RIMS1: variants seen among roughly 807,000 people sequenced by gnomAD.
The protein encoded by RIMS1 is regulating synaptic membrane exocytosis protein 1.
A neutral mutation model predicts 214.1 loss-of-function variants in RIMS1; 83 were observed. That is an observed-to-expected ratio of 0.39 (90% CI 0.32 to 0.47). The LOEUF (loss-of-function observed/expected upper bound fraction) is 0.47. RIMS1 is among the 20% of genes least tolerant of loss of function. RIMS1 has a pLI of 0.99. For synonymous variants in RIMS1, 793 were observed against 786.8 expected (o/e 1.01, Z -0.13); for missense variants, 2,050 against 2,161.8 (o/e 0.95, Z 1.03).
chr6:72,077,799 C>A (rs1291826748), intron 2 of RIMS1, among the ~76,000 whole-genome samples: 2 of 152,220 alleles, frequency 1.3e-5, no homozygotes, highest in African/African-American at 4.8e-5. Flanking sequence ...TTCATGATCA[C>A]TCAGCAAATC....
intron 4 of RIMS1, among the ~76,000 whole-genome samples, chr6:72,138,742 A>G (rs1046021495): frequency 1.3e-5 from 2 of 152,222 alleles, no homozygotes; most frequent in Non-Finnish European, 2.9e-5. Flanking sequence ...AATCAACTAT[A>G]ATGAACAATG....
In RIMS1 at chr6:72,004,732, G is replaced by A. The variant is rs1488945525; in HGVS notation, c.245+35669G>A. 9.9e-5 allele frequency among the ~76,000 whole-genome samples: 15 copies of A among 151,806 alleles called. No individual in the cohort carries two copies. The South Asian group carries it at 2.9e-3, about 29-fold the overall frequency. On this transcript the variant is annotated intron_variant, in intron 2 of 33. Transcript: ENST00000521978. ...TGATGGGGTTGTTTGTTTTTTTCTT[G>A]TAAATTTGTTTGAGTTCTTTGTAGA...
intron 10 of RIMS1, among the ~76,000 whole-genome samples, chr6:72,245,563 A>T (rs188590297): frequency 1.8e-4 from 27 of 152,248 alleles, no homozygotes; most frequent in African/African-American, 6.0e-4. Context: ...GGTGATTTTA[A>T]CCACAATATT....
intron 29 of RIMS1, chr6:72,365,700 T>G (rs940561975): frequency 6.6e-6 from 1 of 152,234 alleles, no homozygotes; most frequent in East Asian, 1.9e-4. Context: ...CTTCATGCTG[T>G]TGACACAGCC....
chr6:72,188,779 G>T (rs757939706), intron 6 of RIMS1, among the ~76,000 whole-genome samples: 1 of 152,126 alleles, frequency 6.6e-6, no homozygotes, highest in African/African-American at 2.4e-5. Context: ...CTCAATCACA[G>T]GGCATGGTAA....
intron 4 of RIMS1, among the ~76,000 whole-genome samples, chr6:72,120,977 A>G (rs2038170178): frequency 6.6e-6 from 1 of 151,616 alleles, no homozygotes; most frequent in Non-Finnish European, 1.5e-5. Context: ...ATGTGGTGTT[A>G]TTTCTGAGGC....
At chr6:72,197,742 C>G (rs2051231044) in intron 6 of RIMS1, among the ~76,000 whole-genome samples, 1 of 152,008 alleles carries the variant, frequency 6.6e-6, no homozygotes, top group Non-Finnish European at 1.5e-5. Flanking sequence ...AAAACAAAAG[C>G]TGAAGTAAAA....
intron 4 of RIMS1, among the ~76,000 whole-genome samples, chr6:72,106,511 C>T (rs919353232): frequency 2.0e-5 from 3 of 152,242 alleles, no homozygotes; most frequent in Non-Finnish European, 2.9e-5. Context: ...TTTTTCAGTA[C>T]AAGCTAAACC....
At chr6:72,151,260 T>A (rs1208378322) in intron 4 of RIMS1, among the ~76,000 whole-genome samples, 1 of 152,080 alleles carries the variant, frequency 6.6e-6, no homozygotes, top group African/African-American at 2.4e-5. Context: ...GCCAGGATGG[T>A]CTCGATCTCC....
intron 2 of RIMS1, among the ~76,000 whole-genome samples, chr6:72,017,863 A>C (rs1454247385): frequency 6.6e-6 from 1 of 152,236 alleles, no homozygotes; most frequent in East Asian, 1.9e-4. Context: ...CATTCTGGGC[A>C]GAAGGACATG....
intron 1 of RIMS1, among the ~76,000 whole-genome samples, chr6:71,906,353 T>G (rs1245934414): frequency 1.3e-5 from 2 of 152,164 alleles, no homozygotes; most frequent in African/African-American, 4.8e-5. Context: ...CAAATAACAT[T>G]ACACCAACAG....
intron 1 of RIMS1, among the ~76,000 whole-genome samples, chr6:71,934,041 A>G (rs1373607095): frequency 6.6e-6 from 1 of 152,112 alleles, no homozygotes; most frequent in Non-Finnish European, 1.5e-5. Context: ...CCACCTCCTC[A>G]AGTTTCCATG....
At chr6:72,370,308 A>T (rs1410429904) in intron 29 of RIMS1, among the ~76,000 whole-genome samples, 1 of 152,232 alleles carries the variant, frequency 6.6e-6, no homozygotes. Context: ...AGGTATTTCA[A>T]GACACAGTAG....
At chr6:72,041,252 T>C (rs1821357088) in intron 2 of RIMS1, among the ~76,000 whole-genome samples, 1 of 151,970 alleles carries the variant, frequency 6.6e-6, no homozygotes, top group South Asian at 2.1e-4. Context: ...ATTCTGGCCA[T>C]GAAGAAAAAC....
At chr6:71,978,630 T>A (rs1244626286) in intron 2 of RIMS1, among the ~76,000 whole-genome samples, 3 of 152,130 alleles carry the variant, frequency 2.0e-5, no homozygotes, top group Admixed American at 2.0e-4. Flanking sequence ...ATATATTTTA[T>A]CATGAATGAA....
chr6:72,256,945 T>G (rs2076111348), intron 16 of RIMS1, among the ~76,000 whole-genome samples: 1 of 147,514 alleles, frequency 6.8e-6, no homozygotes, highest in Non-Finnish European at 1.5e-5. Context: ...AATGTTTGTA[T>G]TTCTTTAGTC....
intron 4 of RIMS1, among the ~76,000 whole-genome samples, chr6:72,134,382 T>G (rs2040932247): frequency 6.6e-6 from 1 of 152,066 alleles, no homozygotes; most frequent in African/African-American, 2.4e-5. Flanking sequence ...TATATCTTTA[T>G]TCTTACAACA....
chr6:71,929,804 C>T (rs1305424686), intron 1 of RIMS1, among the ~76,000 whole-genome samples: 1 of 151,868 alleles, frequency 6.6e-6, no homozygotes, highest in Non-Finnish European at 1.5e-5. Context: ...ATGGGACTGG[C>T]ATCATGTGAG....
At chr6:72,262,144 C>T (rs2078310283) in intron 19 of RIMS1, 1 of 981,208 alleles carries the variant, frequency 1.0e-6, no homozygotes, top group Admixed American at 6.2e-5. Flanking sequence ...TTCTAGGATA[C>T]TCACACCAGT....
Sources: gnomAD v4.1 joint callset for allele counts (sites outside exome capture counted in the v4.1 genomes callset) on GRCh38, gnomAD v4.1.1 for gene constraint, MANE v1.5 for transcripts, NCBI Gene and HGNC (gene_info 2026-07-23, HGNC 2026-07-21) for gene names.